DOCK2: variants seen among roughly 807,000 people sequenced by gnomAD.
DOCK2 encodes dedicator of cytokinesis protein 2.
A neutral mutation model predicts 248.9 loss-of-function variants in DOCK2; 87 were observed. The observed-to-expected ratio is 0.35, with a 90% CI of 0.29 to 0.42. The LOEUF is 0.42. Ranked by LOEUF, DOCK2 falls within the 10% of genes least tolerant of loss-of-function variation. The probability of loss-of-function intolerance (pLI) is 1.00; values close to 1 mark genes in which losing one functional copy is unlikely to be tolerated. For missense variants in DOCK2, 1,747 were observed against 2,300.2 expected (o/e 0.76, Z 4.92); for synonymous variants, 805 against 821.6 (o/e 0.98, Z 0.35).
At chr5:169,866,878 C>T (rs536832892) in intron 27 of DOCK2, among the ~76,000 whole-genome samples, 1 of 152,302 alleles carries the variant, frequency 6.6e-6, no homozygotes, top group East Asian at 1.9e-4. Context: ...AAGCAGTGGC[C>T]ACCAGTTGGG....
Position 169,681,992 on chromosome 5 carries a change from A to G in DOCK2, c.606+113A>G, listed in dbSNP as rs141112548. ...TGTATTATTCAAGGGGCATCTGTCTATGACCTGAGATGATCAGCAACCACA... is the reference window on the plus strand; with the variant it reads ...TGTATTATTCAAGGGGCATCTGTCTGTGACCTGAGATGATCAGCAACCACA... On this transcript the variant is annotated intron_variant, in intron 7 of 51. Transcript: ENST00000520908. 753 of 1,393,562 alleles carry G rather than the reference A, an allele frequency of 5.4e-4. 5 individuals carry two copies. The African/African-American group carries it at 9.3e-3, about 17-fold the overall frequency. 86.3% of individuals were successfully genotyped at this position (1,393,562 alleles called of 1,614,324 possible).
chr5:169,921,763 T>G (rs940994142), intron 27 of DOCK2, among the ~76,000 whole-genome samples: 1 of 152,234 alleles, frequency 6.6e-6, no homozygotes, highest in Non-Finnish European at 1.5e-5. Flanking sequence ...GGCCCACTGA[T>G]AAGAACAGGC....
intron 44 of DOCK2, among the ~76,000 whole-genome samples, chr5:170,063,341 G>A (rs921314004): frequency 6.6e-6 from 1 of 152,154 alleles, no homozygotes; most frequent in South Asian, 2.1e-4. Context: ...GAAGGGAGCA[G>A]GCATATGCAA....
chr5:170,077,848 G>C lies in DOCK2; in HGVS notation c.4994+11G>C, dbSNP rs776526857. On this transcript the variant is annotated intron_variant, in intron 48 of 51. Transcript: ENST00000520908. The stretch of plus-strand genomic sequence containing the variant: ...GCCTACCTCAGAGAGGTCAGTCCCT[G>C]CACCCCAAGGAGCCCCCCACACCCC... The C allele has an allele frequency of 1.9e-6, 3 of 1,611,084 alleles. No individual in the cohort carries two copies. Among genetic ancestry groups the C allele is most frequent in the South Asian group, 1.1e-5 (1 of 90,980 alleles).
chr5:169,774,008 C>G (rs1034197249), intron 25 of DOCK2, among the ~76,000 whole-genome samples: 3 of 152,126 alleles, frequency 2.0e-5, no homozygotes, highest in African/African-American at 7.2e-5. Flanking sequence ...ACCTCTTTTT[C>G]TTTATAAATT....
chr5:169,844,752 T>C (rs1294004811), intron 27 of DOCK2, among the ~76,000 whole-genome samples: 1 of 147,138 alleles, frequency 6.8e-6, no homozygotes. Flanking sequence ...TTTTTTTGAG[T>C]CATTTTTATC....
Position 169,714,083 on chromosome 5 carries a change from G to T in DOCK2, c.1715G>T (p.Arg572Leu). 6.2e-7 allele frequency: 1 copy of T among 1,613,434 alleles called. No homozygotes were observed. Among genetic ancestry groups the T allele is most frequent in the Non-Finnish European group, 8.5e-7 (1 of 1,179,632 alleles). The change falls in exon 18 of 52, where the codon CGA (arginine) becomes CTA (leucine). Residue 572 changes from arginine (R) to leucine (L), a missense_variant. By Grantham distance (102) the Arg-to-Leu change is moderately radical. This residue lies in a region of DOCK2 where 858 missense variants were observed against 1,183.5 expected (regional missense o/e 0.72). Coordinates refer to ENST00000520908, the MANE Select transcript of DOCK2 (RefSeq NM_004946.3). ...GCATACCTGACCCTTCCTTCTTATC[G>T]ACACCATGTGGAAAACAAGGGGGCC... ...ASAYLTLPSY[R>L]HHVENKGATL...
intron 26 of DOCK2, among the ~76,000 whole-genome samples, chr5:169,813,254 A>G (rs746899747): frequency 3.9e-5 from 6 of 152,202 alleles, no homozygotes; most frequent in Non-Finnish European, 8.8e-5. Flanking sequence ...CTATATTAAA[A>G]TCTAAGGTAA....
At chr5:170,075,796 C>A (rs529145848) in intron 46 of DOCK2, 151 bp from the exon 47 acceptor site, 3 of 988,236 alleles carry the variant, frequency 3.0e-6, no homozygotes, top group African/African-American at 1.6e-5. Context: ...TTTCCCATGG[C>A]TGGGGACCGT....
chr5:169,788,227 C>T (rs1766109371), intron 25 of DOCK2, among the ~76,000 whole-genome samples: 1 of 152,158 alleles, frequency 6.6e-6, no homozygotes, highest in South Asian at 2.1e-4. Flanking sequence ...TCCTGTACAC[C>T]CGTGTGTCAT....
Position 170,075,964 on chromosome 5 carries a change from T to A in DOCK2, c.4746T>A (p.Ala1582=). The change falls in exon 47 of 52, where the codon GCT becomes GCA. Residue 1582 remains alanine (A), a synonymous_variant. Transcript: ENST00000520908. ...LIAWQIPFLG[A]GIKIHEKRVS... ...CTCTCCAGATCCCCTTCTTGGGAGCTGGGATTAAGATCCATGAGAAAAGGG... is the reference window on the plus strand; with the variant it reads ...CTCTCCAGATCCCCTTCTTGGGAGCAGGGATTAAGATCCATGAGAAAAGGG... 6.2e-7 allele frequency: 1 copy of A among 1,614,176 alleles called. No homozygotes were observed. Among genetic ancestry groups the A allele is most frequent in the South Asian group, 1.1e-5 (1 of 91,088 alleles).
chr5:169,834,009 C>T (rs1769404547), intron 26 of DOCK2, among the ~76,000 whole-genome samples: 2 of 150,498 alleles, frequency 1.3e-5, no homozygotes, highest in South Asian at 2.1e-4. Context: ...AGTAAGCTCA[C>T]AGACCACAAG....
intron 22 of DOCK2, among the ~76,000 whole-genome samples, chr5:169,732,399 G>A (rs1218163536): frequency 6.6e-6 from 1 of 152,076 alleles, no homozygotes; most frequent in Non-Finnish European, 1.5e-5. Context: ...CACGCCCGTT[G>A]CTTCAGTTAT....
chr5:169,675,426 G>T (rs1167372320), intron 6 of DOCK2, among the ~76,000 whole-genome samples: 2 of 152,170 alleles, frequency 1.3e-5, no homozygotes, highest in African/African-American at 2.4e-5. Flanking sequence ...CTAGGTATTG[G>T]GGCTGTAGAA....
chr5:170,040,982 C>G, intron 36 of DOCK2, 73 bp from the exon 37 acceptor site: 1 of 1,362,342 alleles, frequency 7.3e-7, no homozygotes, highest in East Asian at 2.3e-5. Flanking sequence ...GTTCTCTGGG[C>G]TCCTGCTTGT....
At chr5:169,672,666 A>G (rs1040472931) in intron 5 of DOCK2, among the ~76,000 whole-genome samples, 7 of 152,206 alleles carry the variant, frequency 4.6e-5, no homozygotes, top group Non-Finnish European at 8.8e-5. Context: ...TAAAGCCTCA[A>G]TCCCACAAGA....
chr5:169,911,683 T>C (rs1001720282), intron 27 of DOCK2, among the ~76,000 whole-genome samples: 7 of 152,242 alleles, frequency 4.6e-5, no homozygotes, highest in African/African-American at 1.7e-4. Context: ...TAAAGTTTCC[T>C]ATAATTAGCC....
At chr5:169,717,769 G>T (rs115562260) in intron 21 of DOCK2, among the ~76,000 whole-genome samples, 6 of 152,134 alleles carry the variant, frequency 3.9e-5, no homozygotes, top group Non-Finnish European at 5.9e-5. Context: ...GGACTTAAAG[G>T]CTACAGAGAA....
In DOCK2 at chr5:170,069,118, T is replaced by A; in HGVS notation, c.4645-19T>A. Reference sequence around the variant, plus strand: ...GCCACATGAACAGGAAACCCTGACCTCCTATCTGTCCTCCCCAGGCCTTCT... The same window carrying A: ...GCCACATGAACAGGAAACCCTGACCACCTATCTGTCCTCCCCAGGCCTTCT... On this transcript the variant is annotated intron_variant, in intron 45 of 51. Transcript: ENST00000520908. 6.2e-7 allele frequency: 1 copy of A among 1,611,342 alleles called. No homozygotes were observed. The highest frequency in any genetic ancestry group is 8.5e-7 in the Non-Finnish European group (1 of 1,178,514).
Sources: gnomAD v4.1 joint callset for allele counts (sites outside exome capture counted in the v4.1 genomes callset) on GRCh38, gnomAD v4.1.1 for gene constraint, gnomAD v4.1.1 regional missense constraint, MANE v1.5 for transcripts, NCBI Gene and HGNC (gene_info 2026-07-23, HGNC 2026-07-21) for gene names.